Variants in SYCE1 observed in about 807,000 individuals in gnomAD.
The protein encoded by SYCE1 is cancer/testis antigen 76.
SYCE1 carries 37 observed loss-of-function variants against 55.1 expected under a neutral mutation model. The ratio of observed to expected loss-of-function variants is 0.67; its 90% confidence interval spans 0.52 to 0.88. SYCE1 has a LOEUF of 0.88. Ranked by LOEUF, SYCE1 falls within the 40% of genes least tolerant of loss-of-function variation. SYCE1 has a pLI of 0.00. For synonymous variants in SYCE1, 163 were observed against 159.4 expected, an observed-to-expected ratio of 1.02 and a Z score of -0.17; for missense variants, 399 against 416.4, an observed-to-expected ratio of 0.96 and a Z score of 0.36.
upstream of SYCE1, chr10:133,568,263 G>A (rs1292660819): frequency 1.4e-6 from 2 of 1,419,990 alleles, no homozygotes; most frequent in African/African-American, 1.4e-5. Context: ...CGCGTTCCCC[G>A]GGTCCCGCGG....
At position 133,558,152 on chromosome 10, in the gene SYCE1, G is replaced by C. The variant is rs764666015; in HGVS notation, c.319+15C>G. The C allele has an allele frequency of 6.2e-7, 1 of 1,614,000 alleles. No individual in the cohort carries two copies. The highest frequency in any genetic ancestry group is 8.5e-7 in the Non-Finnish European group (1 of 1,179,990). ...GGCAAAGGCACAAGCCTGGAGACAG[G>C]GGAGCGGCAAATACCTTGTTTTTTG... On this transcript the variant is annotated intron_variant, in intron 5 of 12. Transcript: ENST00000343131.
At chr10:133,554,408 G>A (rs1174432949), downstream of SYCE1, 14 of 1,302,682 alleles carry the variant, frequency 1.1e-5, no homozygotes, top group Middle Eastern at 1.8e-4. Context: ...CCCACCATTG[G>A]TCTTGATTGG....
intron 2 of SYCE1, 69 bp from the exon 3 acceptor site, chr10:133,559,429 C>G: frequency 6.8e-7 from 1 of 1,479,056 alleles, no homozygotes; most frequent in Middle Eastern, 1.7e-4. Flanking sequence ...CCTTGTGTCT[C>G]TGCTGCTTTC....
At chr10:133,563,995 C>G (rs996005444) in intron 1 of SYCE1, among the ~76,000 whole-genome samples, 2 of 149,734 alleles carry the variant, frequency 1.3e-5, no homozygotes, top group Admixed American at 6.7e-5. Context: ...ATCCCTGCTT[C>G]CTTTTTAAAA....
At chr10:133,559,987 A>G (rs1851783322) in intron 2 of SYCE1, 104 bp downstream of exon 2, 1 of 900,312 alleles carries the variant, frequency 1.1e-6, no homozygotes, top group African/African-American at 1.7e-5. Context: ...GAGAAGGTGA[A>G]GAGGATTATT....
chr10:133,555,454 T>C lies in SYCE1; in HGVS notation c.831-16A>G, dbSNP rs1428280603. ...TTCCTTCAGCCTGGACAGGAAGAGG[T>C]AGGATGGGGGAAGGAAGAGGAGGAA... On this transcript the variant is annotated splice_polypyrimidine_tract_variant and intron_variant, in intron 11 of 12. Coordinates refer to ENST00000343131, the MANE Select transcript of SYCE1 (RefSeq NM_001143764.3). 8 of 1,612,842 alleles carry C rather than the reference T, an allele frequency of 5.0e-6. No homozygotes were observed. The highest frequency in any genetic ancestry group is 1.7e-4 in the Middle Eastern group (1 of 6,044).
chr10:133,557,766 C>T lies in SYCE1; in HGVS notation c.374+98G>A, dbSNP rs542768515. The T allele has an allele frequency of 2.2e-6, 3 of 1,381,764 alleles. No individual in the cohort carries two copies. The Admixed American group carries it at 5.3e-5, about 24-fold the overall frequency. 85.6% of individuals were successfully genotyped at this position (1,381,764 alleles called of 1,614,324 possible). A position where few individuals can be genotyped will look rare whatever the true frequency, so the allele number is the denominator to read the frequency against. ...GGACTCTCCATTGTTTAGAGGGAAACAATGAGAGCTGTGGGTCTCAGATTC... is the reference window on the plus strand; with the variant it reads ...GGACTCTCCATTGTTTAGAGGGAAATAATGAGAGCTGTGGGTCTCAGATTC... On this transcript the variant is annotated intron_variant, in intron 6 of 12. Transcript: ENST00000343131.
Position 133,558,036 on chromosome 10 carries a change from A to G in SYCE1, c.320-118T>C, listed in dbSNP as rs998697345. The G allele has an allele frequency of 1.1e-5, 17 of 1,519,882 alleles. No individual in the cohort carries two copies. In the East Asian group the frequency reaches 3.6e-4, roughly 32 times the overall value. The allele number at this position is 1,519,882 out of a possible 1,614,324, so 94.1% of individuals were successfully genotyped here. Reference sequence around the variant, plus strand: ...ACCTGATTGAGCTTTAACATTTACTACATGTCTGGTGGAAGCCACAGGAGA... The same window carrying G: ...ACCTGATTGAGCTTTAACATTTACTGCATGTCTGGTGGAAGCCACAGGAGA... On this transcript the variant is annotated intron_variant, in intron 5 of 12. Transcript: ENST00000343131.
downstream of SYCE1, chr10:133,554,782 G>T (rs1851610190): frequency 2.7e-6 from 4 of 1,465,900 alleles, no homozygotes; most frequent in Admixed American, 2.4e-5. Flanking sequence ...TCTCGGGCCT[G>T]CATCCCTCTG....
rs1851912479 is a variant in SYCE1, at chr10:133,565,560, G to A, written c.-31C>T. 3.2e-6 allele frequency: 5 copies of A among 1,545,776 alleles called. No homozygotes were observed. Among genetic ancestry groups the A allele is most frequent in the South Asian group, 1.2e-5 (1 of 83,754 alleles). On this transcript the variant is annotated 5_prime_UTR_variant, in exon 1 of 13. Coordinates refer to ENST00000343131, the MANE Select transcript of SYCE1 (RefSeq NM_001143764.3). ...CTCAGCTCGCCAGCGAGGGTGCCTCGGGAGGGAGCCTCCAGTGGTGATTGG... is the reference window on the plus strand; with the variant it reads ...CTCAGCTCGCCAGCGAGGGTGCCTCAGGAGGGAGCCTCCAGTGGTGATTGG...
chr10:133,558,205 T>G lies in SYCE1; in HGVS notation c.281A>C (p.Glu94Ala). 3 of 1,614,164 alleles carry G rather than the reference T, an allele frequency of 1.9e-6. No homozygotes were observed. Among genetic ancestry groups the G allele is most frequent in the Non-Finnish European group, 2.5e-6 (3 of 1,180,014 alleles). Residue 94 changes from glutamate to alanine, a missense_variant, in exon 5 of 13, where the codon GAG becomes GCG. Physicochemically the swap from Glu to Ala is moderately radical, Grantham distance 107 (BLOSUM62 -1). Transcript: ENST00000343131. ...LQKELDSLHG[E>A]KVHLKEILSK... ...CAAGATCTCCTTCAGGTGTACTTTC[T>G]CTCCATGCACTAGAAAACAGTGACA... is the stretch of plus-strand genomic sequence containing the variant.
At chr10:133,557,820 A>C (rs1280612499) in intron 6 of SYCE1, 44 bp downstream of exon 6, 41 of 1,600,898 alleles carry the variant, frequency 2.6e-5, no homozygotes, top group Non-Finnish European at 3.5e-5. Context: ...GCTCTACCAG[A>C]ATAAAGAGGT....
rs1271568265 is a variant in SYCE1 at position 133,565,472 on chromosome 10, C to T, written c.58G>A (p.Ala20Thr). 6.5e-7 allele frequency: 1 copy of T among 1,550,152 alleles called. No homozygotes were observed. ...AEPTAGAVDR[A>T]EKAGGQDTSS... ...CCACCACTACCTCCGGCCTTCTCAGCCCTGTCCACGGCTCCTGCGGTGGGC... is the reference window on the plus strand; with the variant it reads ...CCACCACTACCTCCGGCCTTCTCAGTCCTGTCCACGGCTCCTGCGGTGGGC... Residue 20 changes from alanine to threonine, a missense_variant, in exon 1 of 13, where the codon GCT (alanine) becomes ACT (threonine). Transcript: ENST00000343131.
chr10:133,556,294 G>A, intron 8 of SYCE1: 1 of 584,942 alleles, frequency 1.7e-6, no homozygotes, highest in Non-Finnish European at 3.0e-6. Context: ...ATTTACAACA[G>A]ATAAACCTGC....
At chr10:133,559,732 T>C in intron 2 of SYCE1, 1 of 416,428 alleles carries the variant, frequency 2.4e-6, no homozygotes, top group Non-Finnish European at 4.4e-6. Flanking sequence ...AGACCCATCA[T>C]GAGGTGGGAA....
rs534513598 is a variant in SYCE1 at position 133,555,851 on chromosome 10, C to T, written c.648G>A (p.Leu216=). 3.1e-6 allele frequency: 5 copies of T among 1,614,078 alleles called. No individual in the cohort carries two copies. In the African/African-American group the frequency reaches 5.3e-5, roughly 17 times the overall value. Residue 216 remains leucine, a synonymous_variant, in exon 10 of 13, where the codon CTG becomes CTA. Coordinates refer to ENST00000343131, the MANE Select transcript of SYCE1 (RefSeq NM_001143764.3). ...LEDVKHQLCS[L]CGAEGPSTLD... is the part of the protein sequence containing the mutation. ...GGGTGGAGGGGCCCTCAGCCCCACACAGGGAGCACAGCTGATGCTTCACGT... is the reference window on the plus strand; with the variant it reads ...GGGTGGAGGGGCCCTCAGCCCCACATAGGGAGCACAGCTGATGCTTCACGT...
rs991019559 is a variant in SYCE1, at chr10:133,557,850, C to A, written c.374+14G>T. The A allele has an allele frequency of 6.2e-7, 1 of 1,613,948 alleles. No individual in the cohort carries two copies. The highest frequency in any genetic ancestry group is 8.5e-7 in the Non-Finnish European group (1 of 1,179,984). ...AGAGGTAGTGCAGAGTTAGGCTCAG[C>A]TGGAAGCTCTTACCTGTGTGCCTCA... On this transcript the variant is annotated intron_variant, in intron 6 of 12. Transcript: ENST00000343131.
At chr10:133,564,773 C>T (rs1003250408) in intron 1 of SYCE1, among the ~76,000 whole-genome samples, 9 of 152,208 alleles carry the variant, frequency 5.9e-5, no homozygotes, top group Non-Finnish European at 2.9e-5. Context: ...CAATTCTCTC[C>T]ACTTTTCTGT....
chr10:133,566,954 G>GA (rs200403163), upstream of SYCE1, among the ~76,000 whole-genome samples: 1,870 of 151,214 alleles, frequency 0.012, no homozygotes, highest in African/African-American at 0.043. Flanking sequence ...CGGTGTCAGG[G>GA]TTTGGGGTGG....
Sources: allele counts gnomAD v4.1 joint callset (sites outside exome capture counted in the v4.1 genomes callset), GRCh38; gene constraint gnomAD v4.1.1; transcripts MANE v1.5; gene names NCBI Gene and HGNC (gene_info 2026-07-23, HGNC 2026-07-21).